Variants in MALRD1 observed in about 807,000 individuals in gnomAD.
The protein encoded by MALRD1 is MAM and LDL-receptor class A domain-containing protein 1.
Under a neutral mutation model 242.1 loss-of-function variants are expected in MALRD1, and 247 were observed. The ratio of observed to expected loss-of-function variants is 1.02; its 90% CI spans 0.92 to 1.13. MALRD1 has a LOEUF of 1.13. Among genes scored for constraint, MALRD1 ranks in the 50% most tolerant of loss-of-function variants. MALRD1 has a pLI of 0.00. For synonymous variants in MALRD1, 995 were observed against 866.6 expected, an observed-to-expected ratio of 1.15 and a Z score of -2.60; for missense variants, 2,989 against 2,533.1, an observed-to-expected ratio of 1.18 and a Z score of -3.86.
chr10:19,391,797 G>A (rs1201270036), intron 28 of MALRD1, among the ~76,000 whole-genome samples: 1 of 152,176 alleles, frequency 6.6e-6, no homozygotes, highest in East Asian at 1.9e-4. Context: ...CCAACTGATT[G>A]TAAAGTCTTG....
At chr10:19,328,084 C>T (rs536007237) in intron 23 of MALRD1, among the ~76,000 whole-genome samples, 14 of 152,054 alleles carry the variant, frequency 9.2e-5, no homozygotes, top group East Asian at 1.9e-4. Flanking sequence ...AATAGATTCA[C>T]CTAATTTAAA....
At chr10:19,583,257 T>A (rs1444344286) in intron 33 of MALRD1, among the ~76,000 whole-genome samples, 1 of 148,934 alleles carries the variant, frequency 6.7e-6, no homozygotes. Flanking sequence ...CTTCCAACAC[T>A]ATGTTGAATA....
At chr10:19,633,840 C>CTT (rs1041174965) in intron 36 of MALRD1, 76 of 126,538 alleles carry the variant, frequency 6.0e-4, no homozygotes, top group Admixed American at 1.7e-3. Flanking sequence ...TCTTTTCTTT[C>CTT]TTTTTTTTTT....
chr10:19,521,113 A>G (rs1458626907), intron 31 of MALRD1, among the ~76,000 whole-genome samples: 3 of 152,124 alleles, frequency 2.0e-5, no homozygotes, highest in Non-Finnish European at 4.4e-5. Context: ...CTTGGAGGGC[A>G]TGATTAGACT....
chr10:19,607,689 CTG>C, intron 34 of MALRD1, 86 bp from the exon 35 acceptor site: 2 of 1,426,968 alleles, frequency 1.4e-6, no homozygotes, highest in Non-Finnish European at 1.9e-6. Context: ...ATATAATAAA[CTG>C]TTTTATGTTA....
chr10:19,236,738 T>C (rs1838335839), intron 18 of MALRD1, among the ~76,000 whole-genome samples: 1 of 152,170 alleles, frequency 6.6e-6, no homozygotes, highest in African/African-American at 2.4e-5. Flanking sequence ...CTTTAAAATT[T>C]TATTTCAGAT....
At chr10:19,303,107 TACAC>T (rs1842021309) in intron 21 of MALRD1, among the ~76,000 whole-genome samples, 1 of 151,516 alleles carries the variant, frequency 6.6e-6, no homozygotes, top group Non-Finnish European at 1.5e-5. Flanking sequence ...AAGTTATACA[TACAC>T]ACCCCAAAAC....
intron 19 of MALRD1, among the ~76,000 whole-genome samples, chr10:19,276,602 C>T (rs1212371851): frequency 6.6e-6 from 1 of 152,130 alleles, no homozygotes; most frequent in Non-Finnish European, 1.5e-5. Flanking sequence ...CTGATTCAGA[C>T]TCTGTCCTTC....
chr10:19,602,186 G>A (rs1290099645), intron 34 of MALRD1, among the ~76,000 whole-genome samples: 2 of 136,084 alleles, frequency 1.5e-5, no homozygotes, highest in Non-Finnish European at 3.1e-5. Context: ...GTCTTTGCAG[G>A]TAGCATAGTC....
intron 18 of MALRD1, among the ~76,000 whole-genome samples, chr10:19,247,343 A>G (rs902071906): frequency 3.9e-5 from 6 of 152,126 alleles, no homozygotes; most frequent in Non-Finnish European, 7.4e-5. Context: ...AAGAAATCAC[A>G]TAAGTAATGA....
Position 19,087,844 on chromosome 10 carries a change from C to T in MALRD1, c.345C>T (p.His115=). Residue 115 remains histidine (H), a synonymous_variant, in exon 3 of 40, where the codon CAC becomes CAT. Transcript: ENST00000454679. ...FYDHNGDVSA[H]FLSLVSRVDS... is the part of the protein sequence containing the mutation. The stretch of plus-strand genomic sequence containing the variant: ...CCTGTCTCTTCTTTCTGATAGCTCA[C>T]TTCCTCTCACTGGTTTCCAGAGTGG... 1 of 1,230,438 alleles carries T rather than the reference C, an allele frequency of 8.1e-7. No individual in the cohort carries two copies. Among genetic ancestry groups the T allele is most frequent in the East Asian group, 3.2e-5 (1 of 31,628 alleles). 76.2% of individuals were successfully genotyped at this position (1,230,438 alleles called of 1,614,324 possible).
intron 25 of MALRD1, among the ~76,000 whole-genome samples, chr10:19,351,155 G>C (rs1844359291): frequency 1.3e-5 from 2 of 152,168 alleles, no homozygotes; most frequent in East Asian, 1.9e-4. Context: ...GTGACTGCTA[G>C]TGTTTCAAAC....
chr10:19,088,193 T>G lies in MALRD1; in HGVS notation c.597+8T>G, dbSNP rs991657668. ...AGTTCACAGAGATTTCAGGTATGTG[T>G]GTTCTATTTTCTAACTATGGCCTTG... On this transcript the variant is annotated splice_region_variant and intron_variant, in intron 4 of 39. Transcript: ENST00000454679. 281 of 1,233,054 alleles carry G rather than the reference T, an allele frequency of 2.3e-4. 1 individual carries two copies. Among genetic ancestry groups the G allele is most frequent in the South Asian group, 1.6e-3 (38 of 24,400 alleles). 76.4% of individuals were successfully genotyped at this position (1,233,054 alleles called of 1,614,324 possible). A position where few individuals can be genotyped will look rare whatever the true frequency, so the allele number is the denominator to read the frequency against.
intron 28 of MALRD1, among the ~76,000 whole-genome samples, chr10:19,401,632 TA>T (rs748469467): frequency 7.9e-5 from 12 of 152,124 alleles, no homozygotes; most frequent in Non-Finnish European, 1.6e-4. Context: ...GCAATGGACA[TA>T]AGGATAGGTA....
chr10:19,341,508 ATATG>A (rs1843867265), intron 24 of MALRD1, among the ~76,000 whole-genome samples: 1 of 142,898 alleles, frequency 7.0e-6, no homozygotes, highest in Non-Finnish European at 1.5e-5. Flanking sequence ...ATATGTATAT[ATATG>A]TGTGTATATA....
chr10:19,474,780 A>G (rs1307295789), intron 29 of MALRD1, among the ~76,000 whole-genome samples: 3 of 152,110 alleles, frequency 2.0e-5, no homozygotes, highest in Non-Finnish European at 4.4e-5. Flanking sequence ...TAAATCAAGA[A>G]CTGTTTTGTC....
chr10:19,445,847 C>T (rs1485893997), intron 28 of MALRD1, among the ~76,000 whole-genome samples: 1 of 152,202 alleles, frequency 6.6e-6, no homozygotes, highest in Non-Finnish European at 1.5e-5. Flanking sequence ...ACGTTTAAGT[C>T]TGCAAAAGTT....
rs527964113 is a variant in MALRD1, at chr10:19,056,333, A to G, written c.199+7196A>G. 2.1e-4 allele frequency among the ~76,000 whole-genome samples: 32 copies of G among 149,896 alleles called. No individual in the cohort carries two copies. In the South Asian group the frequency reaches 6.6e-3, roughly 31 times the overall value. On this transcript the variant is annotated intron_variant, in intron 1 of 39. Transcript: ENST00000454679. ...TTTTAAGTCCATGAATATGGAATAC[A>G]TTTTCATGTAATTGTGTTTCCTTAA...
chr10:19,133,555 T>A (rs1833197027), intron 8 of MALRD1, among the ~76,000 whole-genome samples: 1 of 152,332 alleles, frequency 6.6e-6, no homozygotes, highest in Middle Eastern at 3.4e-3. Context: ...TTATTAACTG[T>A]TATTTAGAAT....
Sources: allele counts gnomAD v4.1 joint callset (sites outside exome capture counted in the v4.1 genomes callset), GRCh38; gene constraint gnomAD v4.1.1; transcripts MANE v1.5; gene names NCBI Gene and HGNC (gene_info 2026-07-23, HGNC 2026-07-21).